The following SAMD5 variants were observed in gnomAD, a reference collection of about 807,000 sequenced individuals.
SAMD5 encodes sterile alpha motif domain containing 5, also known as sterile alpha motif domain-containing protein 5.
In SAMD5, 13 loss-of-function variants were observed where a neutral mutation model predicts 11.3. The ratio of observed to expected loss-of-function variants is 1.15; its 90% CI spans 0.75 to 1.83. The LOEUF (loss-of-function observed/expected upper bound fraction) is 1.83. SAMD5 is among the 40% of genes most tolerant of loss of function. SAMD5 has a pLI of 0.00. For missense variants in SAMD5, 255 were observed against 239.1 expected, an observed-to-expected ratio of 1.07 and a Z score of -0.44; for synonymous variants, 129 against 111.3, an observed-to-expected ratio of 1.16 and a Z score of -1.00.
At chr6:147,612,932 C>T (rs1181797326) in intron 1 of SAMD5, among the ~76,000 whole-genome samples, 2 of 152,108 alleles carry the variant, frequency 1.3e-5, no homozygotes, top group Non-Finnish European at 2.9e-5. Context: ...GGCATGGTGG[C>T]TCATACCTGT....
At chr6:147,521,954 A>G (rs375438726) in intron 1 of SAMD5, among the ~76,000 whole-genome samples, 2 of 152,122 alleles carry the variant, frequency 1.3e-5, no homozygotes, top group Admixed American at 6.5e-5. Context: ...AGAGAAAGCA[A>G]ACCTTCTTTT....
chr6:147,621,591 C>T (rs1261855024), intron 1 of SAMD5, among the ~76,000 whole-genome samples: 4 of 152,188 alleles, frequency 2.6e-5, no homozygotes, highest in East Asian at 3.9e-4. Context: ...TTTTTCTTCG[C>T]TAGTGATGAT....
At chr6:147,909,602 T>TC in the SAMD5 span, among the ~76,000 whole-genome samples, 1 of 57,490 alleles carries the variant, frequency 1.7e-5, no homozygotes, top group Non-Finnish European at 3.3e-5. Context: ...CTTTCTTTCT[T>TC]TCTTTCTTTC....
chr6:147,586,820 T>G (rs2128446811), intron 1 of SAMD5, among the ~76,000 whole-genome samples: 1 of 152,234 alleles, frequency 6.6e-6, no homozygotes, highest in Admixed American at 6.5e-5. Flanking sequence ...ATTAGCATTC[T>G]TCCAGTTTTC....
intron 1 of SAMD5, among the ~76,000 whole-genome samples, chr6:147,520,932 T>C (rs1788244292): frequency 6.6e-6 from 1 of 152,134 alleles, no homozygotes; most frequent in African/African-American, 2.4e-5. Flanking sequence ...TTAACTGTAG[T>C]TCCCATGCTG....
chr6:147,661,284 TA>T (rs1223778660), intron 1 of SAMD5, among the ~76,000 whole-genome samples: 8 of 152,244 alleles, frequency 5.3e-5, no homozygotes, highest in African/African-American at 1.2e-4. Flanking sequence ...TTTAAAAATA[TA>T]AAAAAAGTGC....
chr6:147,706,794 A>T (rs1265204254), intron 1 of SAMD5, among the ~76,000 whole-genome samples: 1 of 152,174 alleles, frequency 6.6e-6, no homozygotes, highest in Non-Finnish European at 1.5e-5. Context: ...ATTGTCCCTA[A>T]AATAGAAGCT....
chr6:147,873,329 A>G, the SAMD5 span, among the ~76,000 whole-genome samples: 1 of 151,774 alleles, frequency 6.6e-6, no homozygotes, highest in Non-Finnish European at 1.5e-5. Flanking sequence ...GTGAGCCAAG[A>G]TCGCGCCACT....
intron 1 of SAMD5, among the ~76,000 whole-genome samples, chr6:147,624,844 C>T (rs976586985): frequency 1.6e-4 from 24 of 150,924 alleles, no homozygotes; most frequent in Non-Finnish European, 4.4e-5. Context: ...TGTGACCAAA[C>T]ACTACCTGTT....
chr6:147,746,543 T>C, the SAMD5 span, among the ~76,000 whole-genome samples: 3 of 152,154 alleles, frequency 2.0e-5, no homozygotes, highest in African/African-American at 7.2e-5. Flanking sequence ...CCAAAATAAT[T>C]AGAGTTAAAG....
chr6:147,513,418 GA>G (rs1247905955), intron 1 of SAMD5, among the ~76,000 whole-genome samples: 1 of 152,150 alleles, frequency 6.6e-6, no homozygotes, highest in African/African-American at 2.4e-5. Context: ...ATGACATGCA[GA>G]TTCCTGGTTT....
At chr6:147,840,605 A>G in the SAMD5 span, among the ~76,000 whole-genome samples, 1,422 of 152,340 alleles carry the variant, frequency 9.3e-3, 24 homozygotes, top group African/African-American at 0.032. Context: ...TACCTGTAGT[A>G]GTGGAAGAGC....
chr6:147,895,099 G>C, the SAMD5 span, among the ~76,000 whole-genome samples: 1 of 152,188 alleles, frequency 6.6e-6, no homozygotes, highest in Admixed American at 6.5e-5. Context: ...TATAGGCATC[G>C]ATTTTATTTG....
At chr6:147,813,031 A>T in the SAMD5 span, among the ~76,000 whole-genome samples, 1 of 152,360 alleles carries the variant, frequency 6.6e-6, no homozygotes, top group South Asian at 2.1e-4. Context: ...ATTAGTAGTG[A>T]TTAGAACTTC....
intron 1 of SAMD5, among the ~76,000 whole-genome samples, chr6:147,661,386 G>A (rs1790646502): frequency 6.6e-6 from 1 of 152,190 alleles, no homozygotes; most frequent in African/African-American, 2.4e-5. Context: ...CGTGATGGGA[G>A]AACAGTCTCT....
chr6:147,550,068 G>C (rs1310723318), intron 1 of SAMD5, among the ~76,000 whole-genome samples: 1 of 151,494 alleles, frequency 6.6e-6, no homozygotes, highest in Non-Finnish European at 1.5e-5. Flanking sequence ...AACATAGCAA[G>C]ACCTTTGTCT....
chr6:147,694,207 A>G (rs1193793358), intron 1 of SAMD5, among the ~76,000 whole-genome samples: 1 of 152,170 alleles, frequency 6.6e-6, no homozygotes, highest in Non-Finnish European at 1.5e-5. Context: ...GCCAGGTGGG[A>G]TAACATTTTA....
chr6:147,588,715 T>A (rs1789411440), intron 1 of SAMD5, among the ~76,000 whole-genome samples: 1 of 152,120 alleles, frequency 6.6e-6, no homozygotes, highest in Non-Finnish European at 1.5e-5. Context: ...TTTTGGAAGA[T>A]CACTACTATA....
chr6:147,852,649 G>T, the SAMD5 span, among the ~76,000 whole-genome samples: 5 of 152,136 alleles, frequency 3.3e-5, no homozygotes, highest in African/African-American at 1.2e-4. Context: ...TACCCGCAAA[G>T]AACTGCTTCA....
Sources: allele counts gnomAD v4.1 joint callset (sites outside exome capture counted in the v4.1 genomes callset), GRCh38; gene constraint gnomAD v4.1.1; transcripts MANE v1.5; gene names NCBI Gene and HGNC (gene_info 2026-07-23, HGNC 2026-07-21).